ADAMTS2: variants seen among roughly 807,000 people sequenced by gnomAD.
ADAMTS2 encodes the protein A disintegrin and metalloproteinase with thrombospondin motifs 2.
A neutral mutation model predicts 123.0 loss-of-function variants in ADAMTS2; 50 were observed. The observed-to-expected ratio is 0.41, with a 90% CI of 0.32 to 0.51. The LOEUF (loss-of-function observed/expected upper bound fraction) is 0.51, where lower values mean the gene tolerates loss of function less well. ADAMTS2 is among the 20% of genes least tolerant of loss of function. ADAMTS2 has a pLI of 0.35. For synonymous variants in ADAMTS2, 678 were observed against 695.4 expected, an observed-to-expected ratio of 0.98 and a Z score of 0.39; for missense variants, 1,494 against 1,705.2, an observed-to-expected ratio of 0.88 and a Z score of 2.18.
At chr5:179,148,224 C>T (rs1403745726) in intron 10 of ADAMTS2, among the ~76,000 whole-genome samples, 6 of 152,062 alleles carry the variant, frequency 3.9e-5, no homozygotes, top group East Asian at 1.9e-4. Context: ...CCCCTGTGCA[C>T]GCCTCCATCT....
chr5:179,138,863 G>A (rs1763111229), intron 11 of ADAMTS2, among the ~76,000 whole-genome samples: 2 of 152,234 alleles, frequency 1.3e-5, no homozygotes, highest in Admixed American at 6.5e-5. Flanking sequence ...CAGGACCCAG[G>A]AGCGGCCGCA....
chr5:179,253,645 CA>C (rs373290836), intron 3 of ADAMTS2, among the ~76,000 whole-genome samples: 17,746 of 138,246 alleles, frequency 0.13, 1,300 homozygotes, highest in Non-Finnish European at 0.19. Flanking sequence ...GACTCCATCT[CA>C]AAAAAAAAAA....
intron 5 of ADAMTS2, among the ~76,000 whole-genome samples, chr5:179,160,341 C>T (rs111345289): frequency 3.3e-5 from 5 of 152,248 alleles, no homozygotes; most frequent in African/African-American, 1.2e-4. Flanking sequence ...ATCCCAGCAA[C>T]CTGGGAGGCT....
In ADAMTS2 at chr5:179,188,003, G is replaced by A. The variant is rs1172419423; in HGVS notation, c.892-6848C>T. The stretch of plus-strand genomic sequence containing the variant: ...GGAGGTGGCCTGCGGCTGCTGGGCA[G>A]AGGTGACTTTGTCCTCTGCCAAGGT... On this transcript the variant is annotated intron_variant, in intron 4 of 21. Coordinates refer to ENST00000251582, the MANE Select transcript of ADAMTS2 (RefSeq NM_014244.5). The surrounding 1 kb of genome is among the most constrained non-coding windows in gnomAD (Gnocchi z 5.1). 1.3e-5 allele frequency among the ~76,000 whole-genome samples: 2 copies of A among 152,096 alleles called. No homozygotes were observed. Among genetic ancestry groups the A allele is most frequent in the South Asian group, 2.1e-4 (1 of 4,820 alleles).
chr5:179,296,110 G>A (rs971860727), intron 2 of ADAMTS2, among the ~76,000 whole-genome samples: 1 of 152,244 alleles, frequency 6.6e-6, no homozygotes, highest in Admixed American at 6.5e-5. Flanking sequence ...TGATGGTGAA[G>A]CAGGAGGATG....
At position 179,225,131 on chromosome 5, in the gene ADAMTS2, C is replaced by T. The variant is rs571097728; in HGVS notation, c.689-17416G>A. ...GAGGAACACTCCCTGGTTATCCACA[C>T]GGCAACTAACACTCAGCACGCACCA... On this transcript the variant is annotated intron_variant, in intron 3 of 21. Coordinates refer to ENST00000251582, the MANE Select transcript of ADAMTS2 (RefSeq NM_014244.5). This position sits in a 1 kb window ranked among gnomAD's most constrained non-coding sequence, Gnocchi z 4.5. 9.2e-5 allele frequency among the ~76,000 whole-genome samples: 14 copies of T among 152,318 alleles called. No individual in the cohort carries two copies. The highest frequency in any genetic ancestry group is 2.0e-4 in the Admixed American group (3 of 15,300).
intron 10 of ADAMTS2, chr5:179,150,923 G>T (rs1763344025): frequency 1.2e-5 from 2 of 162,398 alleles, no homozygotes; most frequent in South Asian, 1.5e-4. Context: ...TTGAGACAGG[G>T]TCTTGCTGTG....
rs750505827 is a variant in ADAMTS2 at position 179,122,725 on chromosome 5, G to A, written c.3007C>T (p.Arg1003Cys). 1.2e-5 allele frequency: 19 copies of A among 1,552,812 alleles called. No homozygotes were observed. The highest frequency in any genetic ancestry group is 9.8e-5 in the Admixed American group (5 of 51,224). The change falls in exon 20 of 22, where the codon CGC (arginine) becomes TGC (cysteine). Residue 1003 changes from arginine (R) to cysteine (C), a missense_variant. Physicochemically the swap from Arg to Cys is radical, Grantham distance 180. This residue lies in a region of ADAMTS2 where 953 missense variants were observed against 1,124.7 expected (regional missense o/e 0.85). Transcript: ENST00000251582. ...ATGCCGAAGCTGTCGTCCGCGGTGC[G>A]GCAGAGCACTGGCCGCTCCTGGGTG... ...NGTQERPVLCRTADDSFGICQ... is the reference protein window; with the variant it reads ...NGTQERPVLCCTADDSFGICQ...
intron 2 of ADAMTS2, among the ~76,000 whole-genome samples, chr5:179,286,598 C>T (rs1756027513): frequency 6.6e-6 from 1 of 152,156 alleles, no homozygotes; most frequent in Admixed American, 6.5e-5. Flanking sequence ...GACCGTCCCC[C>T]AGCATTCACA....
In ADAMTS2 at chr5:179,139,944, G is replaced by A; in HGVS notation, c.1721C>T (p.Ser574Leu). The A allele has an allele frequency of 6.2e-7, 1 of 1,613,466 alleles. No homozygotes were observed. Among genetic ancestry groups the A allele is most frequent in the Non-Finnish European group, 8.5e-7 (1 of 1,180,006 alleles). The stretch of plus-strand genomic sequence containing the variant: ...CTTCACGCCCGTGCCACAGGTACGT[G>A]AGCAGGAGCCAAACGGACTCCAAGC... ...WGAWSPFGSC[S>L]RTCGTGVKFR... Residue 574 changes from serine (S) to leucine (L), a missense_variant, in exon 11 of 22, where the codon TCA becomes TTA. Physicochemically the swap from Ser to Leu is moderately radical, Grantham distance 145. Transcript: ENST00000251582.
rs936500939 is a variant in ADAMTS2, at chr5:179,260,874, C to A, written c.688+12037G>T. ...CCGCTACTGCTTGGACAGTGGTAGCCCTGCACCTTAGTTTTCTCTCTGCTT... is the reference window on the plus strand; with the variant it reads ...CCGCTACTGCTTGGACAGTGGTAGCACTGCACCTTAGTTTTCTCTCTGCTT... On this transcript the variant is annotated intron_variant, in intron 3 of 21. Transcript: ENST00000251582. The surrounding 1 kb of genome is among the most constrained non-coding windows in gnomAD (Gnocchi z 4.2). Among the ~76,000 whole-genome samples the A allele has an allele frequency of 1.3e-5, 2 of 152,096 alleles. No individual in the cohort carries two copies. Among genetic ancestry groups the A allele is most frequent in the African/African-American group, 4.8e-5 (2 of 41,398 alleles).
At chr5:179,226,234 TCC>T (rs1765280550) in intron 3 of ADAMTS2, among the ~76,000 whole-genome samples, 3 of 143,608 alleles carry the variant, frequency 2.1e-5, no homozygotes, top group African/African-American at 7.3e-5. Flanking sequence ...TTTCCTTCCT[TCC>T]TTCCTTTCTT....
chr5:179,328,545 C>T (rs770284724), intron 2 of ADAMTS2, among the ~76,000 whole-genome samples: 1 of 152,176 alleles, frequency 6.6e-6, no homozygotes, highest in Non-Finnish European at 1.5e-5. Flanking sequence ...TCAAGTGGTT[C>T]GTGGCAGCTC....
In ADAMTS2 at chr5:179,224,166, G is replaced by A. The variant is rs190400884; in HGVS notation, c.689-16451C>T. Among the ~76,000 whole-genome samples the A allele has an allele frequency of 2.8e-4, 43 of 152,296 alleles. No individual in the cohort carries two copies. The East Asian group carries it at 7.7e-3, about 27-fold the overall frequency. On this transcript the variant is annotated intron_variant, in intron 3 of 21. Transcript: ENST00000251582. ...TCATTTACAGGGAGAGCATGAGGGC[G>A]GCGTGAGGTCAGCGGGGCAGGTGGA...
At chr5:179,186,655 C>T (rs1264357177) in intron 4 of ADAMTS2, among the ~76,000 whole-genome samples, 1 of 152,246 alleles carries the variant, frequency 6.6e-6, no homozygotes, top group Non-Finnish European at 1.5e-5. Context: ...AGTAAGGACA[C>T]AGCGGCAACA....
chr5:179,333,596 G>GTTTTTT (rs1219136980), intron 2 of ADAMTS2, among the ~76,000 whole-genome samples: 4 of 105,964 alleles, frequency 3.8e-5, no homozygotes, highest in Non-Finnish European at 5.5e-5. Flanking sequence ...GTTTTTTTCT[G>GTTTTTT]TTTTTTTTTT....
At chr5:179,135,343 G>A (rs1763047638) in intron 13 of ADAMTS2, among the ~76,000 whole-genome samples, 2 of 152,240 alleles carry the variant, frequency 1.3e-5, no homozygotes, top group South Asian at 4.1e-4. Context: ...TGTTTTCGGG[G>A]GAGCCTGGCA....
rs1166864110 is a variant in ADAMTS2, at chr5:179,317,301, A to T, written c.534+26466T>A. ...CAGCTATCCTTGTCCCTGAAGATGG[A>T]CTCAGCTAGCAGAGTCGCTGATATG... On this transcript the variant is annotated intron_variant, in intron 2 of 21. Coordinates refer to ENST00000251582, the MANE Select transcript of ADAMTS2 (RefSeq NM_014244.5). The surrounding 1 kb of genome is among the most constrained non-coding windows in gnomAD (Gnocchi z 4.9). Among the ~76,000 whole-genome samples the T allele has an allele frequency of 6.6e-6, 1 of 152,108 alleles. No homozygotes were observed. The highest frequency in any genetic ancestry group is 1.5e-5 in the Non-Finnish European group (1 of 68,010).
intron 2 of ADAMTS2, among the ~76,000 whole-genome samples, chr5:179,304,368 C>A (rs1012752293): frequency 6.6e-6 from 1 of 152,130 alleles, no homozygotes; most frequent in African/African-American, 2.4e-5. Context: ...CAACAGATAA[C>A]AAGACTGAGA....
Sources: gnomAD v4.1 joint callset for allele counts (sites outside exome capture counted in the v4.1 genomes callset) on GRCh38, gnomAD v4.1.1 for gene constraint, gnomAD v4.1.1 regional missense constraint, Gnocchi (gnomAD v3.1) non-coding constraint, MANE v1.5 for transcripts, NCBI Gene and HGNC (gene_info 2026-07-23, HGNC 2026-07-21) for gene names.